Variants in CCSER1 observed in about 807,000 individuals in gnomAD.
CCSER1 encodes coiled-coil serine rich protein 1.
Under a neutral mutation model 82.0 loss-of-function variants are expected in CCSER1, and 41 were observed. The ratio of observed to expected loss-of-function variants is 0.50; its 90% CI spans 0.39 to 0.65. The LOEUF is 0.65. Ranked by LOEUF, CCSER1 falls within the 30% of genes least tolerant of loss-of-function variation. The probability of loss-of-function intolerance (pLI) is 0.00; values close to 1 mark genes in which losing one functional copy is unlikely to be tolerated. For synonymous variants in CCSER1, 414 were observed against 383.9 expected, an observed-to-expected ratio of 1.08 and a Z score of -0.92; for missense variants, 1,119 against 1,064.2, an observed-to-expected ratio of 1.05 and a Z score of -0.72.
At chr4:91,102,706 TAC>T (rs75275755) in intron 10 of CCSER1, among the ~76,000 whole-genome samples, 45,927 of 151,956 alleles carry the variant, frequency 0.3, 8,025 homozygotes, top group East Asian at 0.45. Flanking sequence ...TAAACAAACT[TAC>T]AGTGTTTTTG....
intron 3 of CCSER1, among the ~76,000 whole-genome samples, chr4:90,354,269 C>T (rs987945901): frequency 2.0e-5 from 3 of 151,998 alleles, no homozygotes; most frequent in African/African-American, 7.3e-5. Context: ...TGAGAGTAAA[C>T]AGTGTTTACC....
At chr4:90,983,006 T>C (rs1490225946) in intron 9 of CCSER1, among the ~76,000 whole-genome samples, 2 of 151,740 alleles carry the variant, frequency 1.3e-5, no homozygotes, top group Non-Finnish European at 2.9e-5. Context: ...CCTCAATCCA[T>C]CTCCCTCTCC....
chr4:90,402,940 G>A (rs531284834), intron 4 of CCSER1, among the ~76,000 whole-genome samples: 20 of 152,286 alleles, frequency 1.3e-4, no homozygotes, highest in South Asian at 4.1e-4. Flanking sequence ...AATCAACTGA[G>A]TCATATAAAT....
intron 10 of CCSER1, among the ~76,000 whole-genome samples, chr4:91,370,695 C>G (rs1456587976): frequency 2.3e-5 from 3 of 132,676 alleles, no homozygotes; most frequent in Admixed American, 7.5e-5. Context: ...GACTCTGTCT[C>G]AAAAAAAAAA....
At chr4:90,803,198 A>T (rs565600247) in intron 7 of CCSER1, among the ~76,000 whole-genome samples, 2 of 150,188 alleles carry the variant, frequency 1.3e-5, no homozygotes, top group South Asian at 4.2e-4. Context: ...TTTTATTTGC[A>T]TTTTTTAATG....
At chr4:90,618,564 C>T (rs1172287623) in intron 5 of CCSER1, among the ~76,000 whole-genome samples, 2 of 151,684 alleles carry the variant, frequency 1.3e-5, no homozygotes, top group Non-Finnish European at 2.9e-5. Flanking sequence ...ATGAAATAGG[C>T]TCGATTTTAT....
intron 4 of CCSER1, among the ~76,000 whole-genome samples, chr4:90,461,373 T>A (rs889624172): frequency 2.6e-5 from 4 of 152,108 alleles, no homozygotes; most frequent in African/African-American, 9.7e-5. Context: ...GGCCCGGCTA[T>A]TTTTAAAAAT....
At chr4:90,351,193 T>C (rs1293206927) in intron 3 of CCSER1, among the ~76,000 whole-genome samples, 3 of 152,192 alleles carry the variant, frequency 2.0e-5, no homozygotes, top group Non-Finnish European at 4.4e-5. Flanking sequence ...ATCAGATTGA[T>C]GGAACATTTT....
chr4:91,222,244 G>A (rs561343741), intron 10 of CCSER1, among the ~76,000 whole-genome samples: 14 of 151,372 alleles, frequency 9.2e-5, no homozygotes, highest in South Asian at 6.3e-4. Context: ...GAGCACAGCC[G>A]AGAGAGGCGT....
chr4:91,538,985 C>T (rs953956135), intron 10 of CCSER1, among the ~76,000 whole-genome samples: 1 of 151,948 alleles, frequency 6.6e-6, no homozygotes, highest in Non-Finnish European at 1.5e-5. Context: ...TCTGTCAGCC[C>T]AGCTGAATGA....
At chr4:90,782,308 A>G (rs950338643) in intron 7 of CCSER1, among the ~76,000 whole-genome samples, 2 of 152,226 alleles carry the variant, frequency 1.3e-5, no homozygotes, top group Admixed American at 6.5e-5. Context: ...AGAAGACAGT[A>G]GATCACTCAC....
In CCSER1 at chr4:91,010,620, A is replaced by G. The variant is rs1738931776; in HGVS notation, c.2173-75330A>G. Among the ~76,000 whole-genome samples, 2 of 134,618 alleles carry G rather than the reference A, an allele frequency of 1.5e-5. 1 individual carries two copies. Among genetic ancestry groups the G allele is most frequent in the Non-Finnish European group, 3.5e-5 (2 of 57,834 alleles). 88.3% of individuals were successfully genotyped at this position (134,618 alleles called of 152,430 possible). The stretch of plus-strand genomic sequence containing the variant: ...TCTTTTTCATTCTTATTTCATTTTT[A>G]TCCTCTGACTGGGTAATTTTACATG... On this transcript the variant is annotated intron_variant, in intron 9 of 10. Transcript: ENST00000509176.
intron 5 of CCSER1, among the ~76,000 whole-genome samples, chr4:90,583,227 C>T (rs117975206): frequency 6.6e-6 from 1 of 152,112 alleles, no homozygotes; most frequent in Non-Finnish European, 1.5e-5. Context: ...AGTGCAATAG[C>T]ACTATCTAGG....
At chr4:90,852,681 TTTG>T (rs1302014604) in intron 8 of CCSER1, among the ~76,000 whole-genome samples, 3 of 152,198 alleles carry the variant, frequency 2.0e-5, no homozygotes, top group Non-Finnish European at 2.9e-5. Flanking sequence ...CAGCTCCTTT[TTTG>T]TTGTTGTTGT....
chr4:91,488,270 C>A (rs66754254), intron 10 of CCSER1, among the ~76,000 whole-genome samples: 12,805 of 152,184 alleles, frequency 0.084, 587 homozygotes, highest in Non-Finnish European at 0.099. Flanking sequence ...TTTTATATGG[C>A]AATTATTTTA....
At chr4:90,846,944 G>C (rs1456309600) in intron 8 of CCSER1, among the ~76,000 whole-genome samples, 1 of 152,110 alleles carries the variant, frequency 6.6e-6, no homozygotes, top group Middle Eastern at 3.2e-3. Flanking sequence ...ACTGCACCCA[G>C]CCTATTTTGT....
rs1208629957 is a variant in CCSER1, at chr4:91,365,271, A to G, written c.2218-233301A>G. On this transcript the variant is annotated intron_variant, in intron 10 of 10. Transcript: ENST00000509176. Reference sequence around the variant, plus strand: ...AACTACATCCATGCGTGCATCATACATGCATACAAACTTACTCATTTTCTT... The same window carrying G: ...AACTACATCCATGCGTGCATCATACGTGCATACAAACTTACTCATTTTCTT... 2.6e-5 allele frequency among the ~76,000 whole-genome samples: 4 copies of G among 152,338 alleles called. No homozygotes were observed. In the East Asian group the frequency reaches 7.7e-4, roughly 29 times the overall value.
intron 8 of CCSER1, among the ~76,000 whole-genome samples, chr4:90,888,535 C>G (rs1258063896): frequency 6.7e-6 from 1 of 148,814 alleles, no homozygotes; most frequent in South Asian, 2.1e-4. Flanking sequence ...ACCTCTGTTG[C>G]TTGCCACAAA....
intron 10 of CCSER1, among the ~76,000 whole-genome samples, chr4:91,442,801 A>G (rs1443771900): frequency 1.3e-5 from 2 of 151,438 alleles, no homozygotes; most frequent in Non-Finnish European, 2.9e-5. Context: ...CCCCATCAAA[A>G]AGTGGGCAAA....
Sources: gnomAD v4.1 joint callset for allele counts (sites outside exome capture counted in the v4.1 genomes callset) on GRCh38, gnomAD v4.1.1 for gene constraint, MANE v1.5 for transcripts, NCBI Gene and HGNC (gene_info 2026-07-23, HGNC 2026-07-21) for gene names.